ASTN2: variants seen among roughly 807,000 people sequenced by gnomAD.
The protein encoded by ASTN2 is astrotactin 2.
Under a neutral mutation model 139.8 loss-of-function variants are expected in ASTN2, and 54 were observed. The observed-to-expected ratio is 0.39, with a 90% confidence interval of 0.31 to 0.48. The LOEUF is 0.48. ASTN2 is among the 20% of genes least tolerant of loss of function. The pLI, the probability that ASTN2 is intolerant of heterozygous loss-of-function variation, is 0.95. For missense variants in ASTN2, 1,565 were observed against 1,725.1 expected (o/e 0.91, Z 1.64); for synonymous variants, 756 against 719.5 (o/e 1.05, Z -0.81).
Position 117,414,733 on chromosome 9 carries a change from G to A in ASTN2, c.206C>T (p.Thr69Met), listed in dbSNP as rs1318785446. ...CCGCAGGGCGGGCAGTGTGGACACC[G>A]TGACGGTCTTCAGCCGGCACGGGCT... is the stretch of plus-strand genomic sequence containing the variant. ...PDSPCRLKTVTVSTLPALRES... is the reference protein window; with the variant it reads ...PDSPCRLKTVMVSTLPALRES... Residue 69 changes from threonine to methionine, a missense_variant, in exon 1 of 23, where the codon ACG becomes ATG. By Grantham distance (81) the Thr-to-Met change is moderately conservative. This residue lies in a region of ASTN2 where 596 missense variants were observed against 576.8 expected (regional missense o/e 1.03). Coordinates refer to ENST00000313400, the MANE Select transcript of ASTN2 (RefSeq NM_001365068.1). This position sits in a 1 kb window ranked among gnomAD's most constrained non-coding sequence, Gnocchi z 4.2. The A allele has an allele frequency of 2.3e-6, 3 of 1,277,716 alleles. No homozygotes were observed. The highest frequency in any genetic ancestry group is 3.0e-6 in the Non-Finnish European group (3 of 1,011,252). The allele number at this position is 1,277,716 out of a possible 1,614,324, so 79.1% of individuals were successfully genotyped here. A position where few individuals can be genotyped will look rare whatever the true frequency, so the allele number is the denominator to read the frequency against.
At chr9:117,035,131 A>G (rs1026091638) in intron 6 of ASTN2, among the ~76,000 whole-genome samples, 1 of 151,892 alleles carries the variant, frequency 6.6e-6, no homozygotes, top group African/African-American at 2.4e-5. Context: ...GCAGCTTGGA[A>G]CTCATGGGGG....
intron 15 of ASTN2, among the ~76,000 whole-genome samples, chr9:116,728,036 C>T (rs1377379768): frequency 2.0e-5 from 3 of 152,050 alleles, no homozygotes; most frequent in Non-Finnish European, 2.9e-5. Context: ...GACAATAAAC[C>T]AGTGAAAGTG....
At chr9:117,304,884 G>T (rs974262466) in intron 1 of ASTN2, among the ~76,000 whole-genome samples, 5 of 152,178 alleles carry the variant, frequency 3.3e-5, no homozygotes, top group African/African-American at 1.2e-4. Context: ...GGCTGAGGGT[G>T]GGGAGGAGGG....
intron 1 of ASTN2, among the ~76,000 whole-genome samples, chr9:117,365,688 A>C (rs1397494075): frequency 1.3e-5 from 2 of 152,228 alleles, no homozygotes; most frequent in East Asian, 3.9e-4. Context: ...GAGAGGAATC[A>C]GAAATATTTG....
intron 10 of ASTN2, among the ~76,000 whole-genome samples, chr9:116,885,692 C>A (rs1238996117): frequency 9.3e-5 from 14 of 150,784 alleles, no homozygotes; most frequent in East Asian, 2.0e-4. Flanking sequence ...AACAAACAAA[C>A]AAAAAAAAAC....
chr9:117,199,602 T>A (rs950286297), intron 3 of ASTN2, among the ~76,000 whole-genome samples: 4 of 152,064 alleles, frequency 2.6e-5, no homozygotes, highest in Non-Finnish European at 5.9e-5. Context: ...TTGTCTTGGC[T>A]ACATGGGTTC....
intron 3 of ASTN2, among the ~76,000 whole-genome samples, chr9:117,201,053 C>A (rs1231955821): frequency 1.6e-5 from 2 of 125,726 alleles, no homozygotes; most frequent in Non-Finnish European, 3.2e-5. Flanking sequence ...AATTTCAGAG[C>A]TTGTTATTGG....
chr9:117,240,189 G>A (rs551747926), intron 2 of ASTN2, among the ~76,000 whole-genome samples: 69 of 152,170 alleles, frequency 4.5e-4, no homozygotes, highest in Non-Finnish European at 6.3e-4. Flanking sequence ...ACTAAGATGG[G>A]TCACTGGTAA....
At chr9:117,340,768 T>C (rs1478388844) in intron 1 of ASTN2, among the ~76,000 whole-genome samples, 2 of 152,222 alleles carry the variant, frequency 1.3e-5, no homozygotes, top group African/African-American at 2.4e-5. Context: ...TATGTCTATG[T>C]GATGAGGCAC....
chr9:116,474,916 C>T (rs532183583), intron 20 of ASTN2, among the ~76,000 whole-genome samples: 1 of 152,182 alleles, frequency 6.6e-6, no homozygotes, highest in Admixed American at 6.5e-5. Flanking sequence ...TGACAAGGAA[C>T]CCTAAAGTAG....
chr9:116,510,221 A>G (rs1850309326), intron 19 of ASTN2, among the ~76,000 whole-genome samples: 1 of 152,222 alleles, frequency 6.6e-6, no homozygotes, highest in Non-Finnish European at 1.5e-5. Flanking sequence ...AGCTTTCTGC[A>G]TATGGCTAGC....
At chr9:116,682,366 G>C (rs572031104) in intron 16 of ASTN2, among the ~76,000 whole-genome samples, 13 of 152,090 alleles carry the variant, frequency 8.5e-5, no homozygotes, top group Admixed American at 2.6e-4. Flanking sequence ...CATTAAAAAG[G>C]CAGGAAACAA....
intron 22 of ASTN2, among the ~76,000 whole-genome samples, chr9:116,439,722 C>T (rs1847785700): frequency 6.6e-6 from 1 of 152,154 alleles, no homozygotes; most frequent in African/African-American, 2.4e-5. Context: ...TTACCTTACC[C>T]CAACTCAAAC....
chr9:116,686,872 C>T, intron 16 of ASTN2: 3 of 1,536,858 alleles, frequency 2.0e-6, no homozygotes, highest in Non-Finnish European at 1.8e-6. Flanking sequence ...CACTGCCCTT[C>T]CTAGGGAGTC....
chr9:117,319,021 TG>T (rs1437772346), intron 1 of ASTN2, among the ~76,000 whole-genome samples: 1 of 152,222 alleles, frequency 6.6e-6, no homozygotes, highest in African/African-American at 2.4e-5. Flanking sequence ...TTGCTTCTTC[TG>T]AGGACTCCTG....
intron 4 of ASTN2, among the ~76,000 whole-genome samples, chr9:117,109,051 G>A (rs765802418): frequency 6.6e-6 from 1 of 152,094 alleles, no homozygotes; most frequent in South Asian, 2.1e-4. Context: ...TTGGGAGGCC[G>A]AGGTGGGCGG....
chr9:116,657,249 T>C (rs1053274653), intron 16 of ASTN2, among the ~76,000 whole-genome samples: 3 of 152,206 alleles, frequency 2.0e-5, no homozygotes, highest in Non-Finnish European at 4.4e-5. Flanking sequence ...CCTGCATCAT[T>C]AGTGTGCCCT....
chr9:116,442,607 G>T, intron 20 of ASTN2, 54 bp from the exon 21 acceptor site: 1 of 1,398,240 alleles, frequency 7.2e-7, no homozygotes, highest in Non-Finnish European at 1.0e-6. Flanking sequence ...AGAAGGCCCT[G>T]GGAGTTGCAG....
chr9:116,974,866 A>G (rs115157655), intron 10 of ASTN2, among the ~76,000 whole-genome samples: 38 of 152,324 alleles, frequency 2.5e-4, no homozygotes, highest in African/African-American at 9.1e-4. Flanking sequence ...ATGGACTACA[A>G]CAGAAAACAT....
Sources: allele counts gnomAD v4.1 joint callset (sites outside exome capture counted in the v4.1 genomes callset), GRCh38; gene constraint gnomAD v4.1.1; regional missense constraint gnomAD v4.1.1; non-coding constraint Gnocchi (gnomAD v3.1); transcripts MANE v1.5; gene names NCBI Gene and HGNC (gene_info 2026-07-23, HGNC 2026-07-21).